STARD13: variants seen among roughly 807,000 people sequenced by gnomAD.
The protein encoded by STARD13 is StAR related lipid transfer domain containing 13.
In STARD13, 62 loss-of-function variants were observed where a neutral mutation model predicts 106.4. The observed-to-expected ratio is 0.58, with a 90% CI of 0.48 to 0.72. STARD13 has a LOEUF of 0.72. Among genes scored for constraint, STARD13 ranks in the 30% least tolerant of loss-of-function variants. STARD13 has a pLI of 0.00. For synonymous variants in STARD13, 565 were observed against 553.0 expected (o/e 1.02, Z -0.31); for missense variants, 1,387 against 1,424.0 (o/e 0.97, Z 0.42).
chr13:33,624,113 G>A, the STARD13 span, among the ~76,000 whole-genome samples: 4 of 152,184 alleles, frequency 2.6e-5, no homozygotes, highest in Admixed American at 2.0e-4. Context: ...TCCTAGAAAT[G>A]AGTATGTACG....
chr13:33,309,810 A>AGT (rs2138494806), intron 1 of STARD13, among the ~76,000 whole-genome samples: 1 of 152,316 alleles, frequency 6.6e-6, no homozygotes, highest in East Asian at 1.9e-4. Context: ...GTACAGAAAG[A>AGT]GTCTCTTCTG....
chr13:33,523,175 A>G, the STARD13 span, among the ~76,000 whole-genome samples: 2 of 152,060 alleles, frequency 1.3e-5, no homozygotes, highest in Non-Finnish European at 2.9e-5. Flanking sequence ...GGAGGAGGTT[A>G]GAAGATGGGA....
the STARD13 span, among the ~76,000 whole-genome samples, chr13:33,572,036 A>G: frequency 3.3e-5 from 5 of 152,186 alleles, no homozygotes; most frequent in African/African-American, 1.2e-4. Flanking sequence ...CACACCAGAA[A>G]CAGAGATAAA....
intron 1 of STARD13, among the ~76,000 whole-genome samples, chr13:33,168,536 G>A (rs1325026129): frequency 1.3e-5 from 2 of 152,204 alleles, no homozygotes; most frequent in African/African-American, 2.4e-5. Context: ...AAGTTCATCT[G>A]TTGAAAGTCC....
the STARD13 span, among the ~76,000 whole-genome samples, chr13:33,575,705 T>A: frequency 9.9e-5 from 15 of 152,068 alleles, no homozygotes; most frequent in African/African-American, 1.2e-4. Context: ...TCTTCTTTGC[T>A]CCTGTGTGCT....
At chr13:33,127,884 T>TGAGA (rs1313175923) in intron 5 of STARD13, among the ~76,000 whole-genome samples, 1 of 149,564 alleles carries the variant, frequency 6.7e-6, no homozygotes. Context: ...TGTGTGTATG[T>TGAGA]GAGAGAGAGA....
chr13:33,164,488 CT>C, intron 3 of STARD13: 1 of 152,150 alleles, frequency 6.6e-6, no homozygotes, highest in Non-Finnish European at 1.5e-5. Context: ...CCTAAACTAG[CT>C]GTATGGCCTT....
At chr13:33,233,758 C>A (rs1038631722) in intron 1 of STARD13, among the ~76,000 whole-genome samples, 5 of 694 alleles carry the variant, frequency 7.2e-3, no homozygotes, top group Admixed American at 0.036. Flanking sequence ...TGTAACACCC[C>A]CTCTGGGGCT....
the STARD13 span, among the ~76,000 whole-genome samples, chr13:33,608,378 G>T: frequency 1.3e-5 from 2 of 152,076 alleles, no homozygotes; most frequent in Non-Finnish European, 2.9e-5. Flanking sequence ...TGGACAAGCT[G>T]ATTCTGAAAT....
intron 1 of STARD13, among the ~76,000 whole-genome samples, chr13:33,339,744 A>T (rs372986212): frequency 1.3e-5 from 2 of 152,226 alleles, no homozygotes; most frequent in African/African-American, 4.8e-5. Flanking sequence ...TGTAACAATA[A>T]GTTCTCTTTT....
the STARD13 span, among the ~76,000 whole-genome samples, chr13:33,655,719 A>C: frequency 6.6e-6 from 1 of 152,206 alleles, no homozygotes. Flanking sequence ...GGAACATAGT[A>C]GATATTTAAT....
chr13:33,665,112 C>T, the STARD13 span, among the ~76,000 whole-genome samples: 1 of 152,222 alleles, frequency 6.6e-6, no homozygotes, highest in Non-Finnish European at 1.5e-5. Flanking sequence ...GTCAAGGAAG[C>T]ATCCAACAAC....
intron 1 of STARD13, among the ~76,000 whole-genome samples, chr13:33,182,003 A>G (rs1467719006): frequency 6.6e-6 from 1 of 152,224 alleles, no homozygotes; most frequent in Non-Finnish European, 1.5e-5. Context: ...AGAATAACCA[A>G]TCATAACCAT....
At chr13:33,171,493 C>A (rs1734616841) in intron 1 of STARD13, among the ~76,000 whole-genome samples, 1 of 152,206 alleles carries the variant, frequency 6.6e-6, no homozygotes, top group South Asian at 2.1e-4. Flanking sequence ...TGTCCAACAT[C>A]CTTCCCTACG....
At chr13:33,323,723 T>G (rs778859884) in intron 1 of STARD13, among the ~76,000 whole-genome samples, 12 of 152,210 alleles carry the variant, frequency 7.9e-5, no homozygotes, top group Non-Finnish European at 1.8e-4. Context: ...GAAAATGGAT[T>G]CTGGCAGAAA....
chr13:33,180,895 T>C (rs1885164454), intron 1 of STARD13, among the ~76,000 whole-genome samples: 1 of 152,168 alleles, frequency 6.6e-6, no homozygotes, highest in Admixed American at 6.6e-5. Context: ...TTCTCTAAAA[T>C]AAGGAACAAG....
chr13:33,310,674 T>G (rs997783001), intron 1 of STARD13, among the ~76,000 whole-genome samples: 1 of 152,154 alleles, frequency 6.6e-6, no homozygotes, highest in Non-Finnish European at 1.5e-5. Context: ...TAATATATAA[T>G]CTTTTCACCT....
chr13:33,414,755 C>G, the STARD13 span, among the ~76,000 whole-genome samples: 2 of 152,012 alleles, frequency 1.3e-5, no homozygotes, highest in African/African-American at 4.8e-5. Flanking sequence ...AGTTGTGATA[C>G]TGTACTATAT....
At chr13:33,124,677 A>G (rs908912595) in intron 7 of STARD13, among the ~76,000 whole-genome samples, 1 of 151,934 alleles carries the variant, frequency 6.6e-6, no homozygotes, top group Non-Finnish European at 1.5e-5. Context: ...TATGGACATT[A>G]ACTTTGAATA....
Sources: gnomAD v4.1 joint callset for allele counts (sites outside exome capture counted in the v4.1 genomes callset) on GRCh38, gnomAD v4.1.1 for gene constraint, MANE v1.5 for transcripts, NCBI Gene and HGNC (gene_info 2026-07-23, HGNC 2026-07-21) for gene names.